The following PIK3IP1 variants were observed in gnomAD, a reference collection of about 807,000 sequenced individuals.
PIK3IP1 encodes phosphoinositide-3-kinase interacting protein 1.
A neutral mutation model predicts 30.7 loss-of-function variants in PIK3IP1; 28 were observed. That is an observed-to-expected ratio of 0.91 (90% CI 0.68 to 1.25). The LOEUF (loss-of-function observed/expected upper bound fraction) is 1.25, where lower values mean the gene tolerates loss of function less well. PIK3IP1 is among the 50% of genes most tolerant of loss of function. The pLI is 0.00. For missense variants in PIK3IP1, 333 were observed against 346.2 expected, an observed-to-expected ratio of 0.96 and a Z score of 0.30; for synonymous variants, 159 against 140.8, an observed-to-expected ratio of 1.13 and a Z score of -0.91.
At chr22:31,283,940 T>G (rs1011173391) in intron 5 of PIK3IP1, among the ~76,000 whole-genome samples, 1 of 152,138 alleles carries the variant, frequency 6.6e-6, no homozygotes, top group Non-Finnish European at 1.5e-5. Flanking sequence ...GTTTCGTGCT[T>G]TTTGCCCAGG....
intron 3 of PIK3IP1, chr22:31,290,370 C>A (rs1021911398): frequency 6.6e-6 from 1 of 152,260 alleles, no homozygotes; most frequent in Non-Finnish European, 1.5e-5. Flanking sequence ...GCCTGGGTGA[C>A]AGAACGAGAC....
At position 31,282,180 on chromosome 22, in the gene PIK3IP1, C is replaced by CCT. The variant is rs80206973; in HGVS notation, c.*903_*904insAG. 0.041 allele frequency: 6,179 copies of CCT among 152,424 alleles called. 118 individuals carry two copies. Among genetic ancestry groups the CCT allele is most frequent in the Non-Finnish European group, 0.051 (3,450 of 68,106 alleles). 9.4% of individuals were successfully genotyped at this position (152,424 alleles called of 1,614,324 possible). On this transcript the variant is annotated 3_prime_UTR_variant, in exon 6 of 6. Coordinates refer to ENST00000215912, the MANE Select transcript of PIK3IP1 (RefSeq NM_052880.5). ...AAATCAGGCCCACTTGGGGAGCAAG[C>CCT]CCTGAAGTGCTTTATTACCTTGCCT...
chr22:31,290,771 G>A, intron 3 of PIK3IP1, 194 bp downstream of exon 3: 1 of 770,486 alleles, frequency 1.3e-6, no homozygotes, highest in East Asian at 3.3e-5. Flanking sequence ...GCTCGCGGCG[G>A]ATGAGCTCAT....
At position 31,289,688 on chromosome 22, in the gene PIK3IP1, G is replaced by C. The variant is rs2049158913; in HGVS notation, c.319C>G (p.Gln107Glu). The C allele has an allele frequency of 1.2e-5, 18 of 1,552,360 alleles. No individual in the cohort carries two copies. Among genetic ancestry groups the C allele is most frequent in the Non-Finnish European group, 1.6e-5 (18 of 1,147,210 alleles). The change falls in exon 4 of 6, where the codon CAG becomes GAG. Residue 107 changes from glutamine to glutamate, a missense_variant. Gln to Glu is a conservative substitution (Grantham distance 29, BLOSUM62 2). Coordinates refer to ENST00000215912, the MANE Select transcript of PIK3IP1 (RefSeq NM_052880.5). Reference sequence around the variant, plus strand: ...TCTGTCGTGAAGGCTGGCAGGGCCTGGGAGGTGGTCTCTGGAGATGAGGTG... The same window carrying C: ...TCTGTCGTGAAGGCTGGCAGGGCCTCGGAGGTGGTCTCTGGAGATGAGGTG... ...EDLRCPETTS[Q>E]ALPAFTTEIQ... is the part of the protein sequence containing the mutation.
rs1195915677 is a variant in PIK3IP1, at chr22:31,291,164, C to T, written c.187+16G>A. ...CCGCCCGCCAGCCCCGGGGCCGTCC[C>T]CCGGAGGACACTTACCCGACACGGG... On this transcript the variant is annotated intron_variant, in intron 2 of 5. Transcript: ENST00000215912. The T allele has an allele frequency of 6.5e-7, 1 of 1,541,508 alleles. No individual in the cohort carries two copies. Among genetic ancestry groups the T allele is most frequent in the African/African-American group, 1.4e-5 (1 of 71,678 alleles).
Position 31,289,601 on chromosome 22 carries a change from C to G in PIK3IP1, c.406G>C (p.Ala136Pro). Residue 136 changes from alanine to proline, a missense_variant, in exon 4 of 6, where the codon GCC becomes CCC. Ala to Pro is a conservative substitution (Grantham distance 27). Around this residue, in one of 3 missense-constraint regions of PIK3IP1, gnomAD observed 217 missense variants for 227.7 expected, o/e 0.95. Coordinates refer to ENST00000215912, the MANE Select transcript of PIK3IP1 (RefSeq NM_052880.5). ...DEVQVFAPAN[A>P]LPARSEAAAV... ...GCCGCCTCACTCCGAGCGGGCAGGG[C>G]GTTGGCAGGAGCGAACACCTGCACC... The G allele has an allele frequency of 6.4e-7, 1 of 1,559,972 alleles. No homozygotes were observed. The highest frequency in any genetic ancestry group is 8.7e-7 in the Non-Finnish European group (1 of 1,150,902).
chr22:31,290,766 C>T, intron 3 of PIK3IP1, 199 bp downstream of exon 3: 2 of 739,916 alleles, frequency 2.7e-6, no homozygotes, highest in Non-Finnish European at 4.0e-6. Flanking sequence ...CAAGCGCTCG[C>T]GGCGGATGAG....
chr22:31,289,566 C>T lies in PIK3IP1; in HGVS notation c.441G>A (p.Gln147=), dbSNP rs759662375. ...CCCGCTGGCTGATCCCAATCACTGG[C>T]TGCACAGCTGCCGCCTCACTCCGAG... ...LPARSEAAAV[Q]PVIGISQRVR... is the part of the protein sequence containing the mutation. The change falls in exon 4 of 6, where the codon CAG becomes CAA. Residue 147 remains glutamine, a synonymous_variant. Coordinates refer to ENST00000215912, the MANE Select transcript of PIK3IP1 (RefSeq NM_052880.5). The T allele has an allele frequency of 1.3e-6, 2 of 1,558,478 alleles. No homozygotes were observed. Among genetic ancestry groups the T allele is most frequent in the Non-Finnish European group, 1.7e-6 (2 of 1,149,438 alleles).
chr22:31,283,684 C>G (rs1050874353), intron 5 of PIK3IP1, among the ~76,000 whole-genome samples: 4 of 151,836 alleles, frequency 2.6e-5, no homozygotes, highest in African/African-American at 9.7e-5. Flanking sequence ...TCCCACCCCC[C>G]AAAGTACTGG....
chr22:31,289,171 A>T, intron 5 of PIK3IP1, 144 bp downstream of exon 5: 1 of 771,908 alleles, frequency 1.3e-6, no homozygotes, highest in South Asian at 1.6e-5. Context: ...GTCCAAGGTC[A>T]GCAGATAAAG....
chr22:31,292,261 G>A lies in PIK3IP1; in HGVS notation c.70+14C>T, dbSNP rs745698083. 5 of 1,613,240 alleles carry A rather than the reference G, an allele frequency of 3.1e-6. No individual in the cohort carries two copies. The African/African-American group carries it at 6.7e-5, about 22-fold the overall frequency. ...TCATGAAGTTGCTGCGGAAAGGAAA[G>A]ATTGTAATCTCACCTCCAGATCCAT... On this transcript the variant is annotated intron_variant, in intron 1 of 5. Coordinates refer to ENST00000215912, the MANE Select transcript of PIK3IP1 (RefSeq NM_052880.5).
intron 1 of PIK3IP1, 27 bp from the exon 2 acceptor site, chr22:31,291,323 C>A (rs780413144): frequency 6.5e-7 from 1 of 1,549,902 alleles, no homozygotes. Flanking sequence ...CCCCCGGACA[C>A]AGAATAGCGG....
At chr22:31,284,748 CCT>C (rs1257126142) in intron 5 of PIK3IP1, among the ~76,000 whole-genome samples, 1 of 152,152 alleles carries the variant, frequency 6.6e-6, no homozygotes, top group Non-Finnish European at 1.5e-5. Flanking sequence ...GAAAATAAGA[CCT>C]CCCTCTGAAG....
chr22:31,290,903 A>G (rs1466063187), intron 3 of PIK3IP1, 62 bp downstream of exon 3: 4 of 1,493,292 alleles, frequency 2.7e-6, no homozygotes, highest in Non-Finnish European at 3.5e-6. Context: ...GTGCGCCACG[A>G]GTGTCTCAGC....
In PIK3IP1 at chr22:31,291,199, C is replaced by T; in HGVS notation, c.168G>A (p.Leu56=). ...CLNWLDAQSG[L]ASAPVSGAGN... ...ACTTACCCGACACGGGGGCCGAGGC[C>T]AGCCCGCTCTGCGCGTCCAGCCAGT... Residue 56 remains leucine, a synonymous_variant, in exon 2 of 6, where the codon CTG becomes CTA. Coordinates refer to ENST00000215912, the MANE Select transcript of PIK3IP1 (RefSeq NM_052880.5). 5.8e-6 allele frequency: 9 copies of T among 1,548,718 alleles called. No homozygotes were observed. The highest frequency in any genetic ancestry group is 7.9e-6 in the Non-Finnish European group (9 of 1,146,210).
Position 31,283,289 on chromosome 22 carries a change from C to G in PIK3IP1, c.588-1G>C. On this transcript the variant is annotated splice_acceptor_variant, in intron 5 of 5. Coordinates refer to ENST00000215912, the MANE Select transcript of PIK3IP1 (RefSeq NM_052880.5). LOFTEE classifies it high-confidence loss of function. Reference sequence around the variant, plus strand: ...ATGCTGTTCTTTCAAATCCTTCCCCCTGGCAGGAAAAAAACAAACAAACAT... The same window carrying G: ...ATGCTGTTCTTTCAAATCCTTCCCCGTGGCAGGAAAAAAACAAACAAACAT... The G allele has an allele frequency of 3.1e-6, 5 of 1,604,020 alleles. No individual in the cohort carries two copies. Among genetic ancestry groups the G allele is most frequent in the Non-Finnish European group, 4.2e-6 (5 of 1,179,282 alleles).
At chr22:31,291,105 A>G in intron 2 of PIK3IP1, 21 bp from the exon 3 acceptor site, 1 of 1,546,550 alleles carries the variant, frequency 6.5e-7, no homozygotes, top group Non-Finnish European at 8.7e-7. Context: ...AGAGAAGGAA[A>G]TGTGTGCCGG....
chr22:31,287,135 A>G (rs2049137473), intron 5 of PIK3IP1, among the ~76,000 whole-genome samples: 1 of 142,192 alleles, frequency 7.0e-6, no homozygotes, highest in African/African-American at 2.7e-5. Context: ...CTCCCATCTC[A>G]GCCTCCTTAG....
At chr22:31,290,786 G>T in intron 3 of PIK3IP1, 179 bp downstream of exon 3, 3 of 892,494 alleles carry the variant, frequency 3.4e-6, no homozygotes, top group Non-Finnish European at 4.7e-6. Context: ...GCTCATACGA[G>T]TGGCGGCGGC....
Sources: gnomAD v4.1 joint callset for allele counts (sites outside exome capture counted in the v4.1 genomes callset) on GRCh38, gnomAD v4.1.1 for gene constraint, gnomAD v4.1.1 regional missense constraint, MANE v1.5 for transcripts, NCBI Gene and HGNC (gene_info 2026-07-23, HGNC 2026-07-21) for gene names.